COL4A3: variants seen among roughly 807,000 people sequenced by gnomAD.
COL4A3 encodes the protein collagen type IV alpha 3 chain.
A neutral mutation model predicts 217.4 loss-of-function variants in COL4A3; 135 were observed. That is an observed-to-expected ratio of 0.62 (90% CI 0.54 to 0.72). The LOEUF (loss-of-function observed/expected upper bound fraction) is 0.72. Among genes scored for constraint, COL4A3 ranks in the 30% least tolerant of loss-of-function variants. COL4A3 has a pLI of 0.00. For missense variants in COL4A3, 1,868 were observed against 2,119.9 expected (o/e 0.88, Z 2.33); for synonymous variants, 690 against 736.3 (o/e 0.94, Z 1.02).
Position 227,254,124 on chromosome 2 carries a change from G to T in COL4A3, c.778G>T (p.Glu260Ter), listed in dbSNP as rs2125934541. ...GPDNRTDLKG[E>*]KGDKGAMGEP... is the part of the protein sequence containing the mutation. ...GTTTCTTTGGCAGGACCTCAAGGGG[G>T]AAAAGGGAGACAAGGGAGCAATGGG... Residue 260 changes from glutamate to a stop codon, truncating the protein, a stop_gained, in exon 14 of 52, where the codon GAA becomes TAA. Transcript: ENST00000396578. LOFTEE classifies it high-confidence loss of function. 3.7e-6 allele frequency: 6 copies of T among 1,613,900 alleles called. No homozygotes were observed. The highest frequency in any genetic ancestry group is 2.2e-5 in the East Asian group (1 of 44,858).
At chr2:227,308,825 A>G in intron 48 of COL4A3, 74 bp from the exon 49 acceptor site, 1 of 1,459,426 alleles carries the variant, frequency 6.9e-7, no homozygotes, top group South Asian at 1.1e-5. Flanking sequence ...CATTTAAATT[A>G]GCTTCTCTCT....
chr2:227,254,311 A>G (rs997138507), intron 14 of COL4A3, 137 bp downstream of exon 14: 1 of 761,974 alleles, frequency 1.3e-6, no homozygotes, highest in African/African-American at 1.8e-5. Context: ...CTCCACAGGC[A>G]GAGCAGCTAT....
intron 1 of COL4A3, among the ~76,000 whole-genome samples, chr2:227,205,531 A>C (rs1277819137): frequency 6.6e-6 from 1 of 152,110 alleles, no homozygotes; most frequent in African/African-American, 2.4e-5. Context: ...TTATAATTGT[A>C]CATGATCCCA....
intron 29 of COL4A3, among the ~76,000 whole-genome samples, 174 bp from the exon 30 acceptor site, chr2:227,280,266 T>C (rs1426512770): frequency 6.6e-6 from 1 of 152,228 alleles, no homozygotes. Context: ...CTACATATCC[T>C]GAAGTATTAT....
intron 1 of COL4A3, among the ~76,000 whole-genome samples, chr2:227,214,376 C>T (rs1424148407): frequency 6.6e-6 from 1 of 152,124 alleles, no homozygotes. Context: ...ATTAATTTTT[C>T]CTGTGTTATA....
chr2:227,172,446 G>A (rs960736530), intron 1 of COL4A3, among the ~76,000 whole-genome samples: 4 of 152,064 alleles, frequency 2.6e-5, no homozygotes, highest in Non-Finnish European at 4.4e-5. Flanking sequence ...GTAGTTCGGC[G>A]GGGGTGGTTG....
chr2:227,262,053 T>C (rs1410595373), intron 20 of COL4A3, among the ~76,000 whole-genome samples: 1 of 152,350 alleles, frequency 6.6e-6, no homozygotes, highest in East Asian at 1.9e-4. Flanking sequence ...TTGTATATTA[T>C]ACTACTTCAT....
intron 9 of COL4A3, among the ~76,000 whole-genome samples, chr2:227,249,220 A>ATTTTTT (rs1559864975): frequency 4.0e-5 from 1 of 24,802 alleles, no homozygotes; most frequent in Non-Finnish European, 9.5e-5. Flanking sequence ...TAGTATATAT[A>ATTTTTT]TATATATATA....
At chr2:227,267,942 T>TC (rs536024370) in intron 23 of COL4A3, among the ~76,000 whole-genome samples, 70 of 152,264 alleles carry the variant, frequency 4.6e-4, no homozygotes, top group African/African-American at 1.6e-3. Flanking sequence ...GCTTTCGACC[T>TC]CCCCGTCTTC....
In COL4A3 at chr2:227,279,883, G is replaced by A. The variant is rs2106147774; in HGVS notation, c.2216G>A (p.Gly739Glu). 6.2e-7 allele frequency: 1 copy of A among 1,603,732 alleles called. No homozygotes were observed. Among genetic ancestry groups the A allele is most frequent in the Non-Finnish European group, 8.5e-7 (1 of 1,174,716 alleles). ...TTACCTGGAAAGCCAGGCCTCCCAG[G>A]AGCCAAGGTATGCAAAAATTCAAGC... Reference protein sequence around the residue: ...PGLPGKPGLPGAKGEPAVAMP... With the variant: ...PGLPGKPGLPEAKGEPAVAMP... Residue 739 changes from glycine (G) to glutamate (E), a missense_variant, in exon 29 of 52, where the codon GGA becomes GAA. By Grantham distance (98) the Gly-to-Glu change is moderately conservative (BLOSUM62 -2). Transcript: ENST00000396578.
In COL4A3 at chr2:227,240,169, C is replaced by A; in HGVS notation, c.171C>A (p.Pro57=). Residue 57 remains proline (P), a synonymous_variant, in exon 3 of 52, where the codon CCC becomes CCA. Coordinates refer to ENST00000396578, the MANE Select transcript of COL4A3 (RefSeq NM_000091.5). ...EKGEKGFPGP[P]GSPGQKGFTG... is the part of the protein sequence containing the mutation. The stretch of plus-strand genomic sequence containing the variant: ...GGGAGAAGGGCTTTCCTGGACCCCC[C>A]GGTTCTCCTGGCCAGAAAGGATTCA... 1 of 1,610,960 alleles carries A rather than the reference C, an allele frequency of 6.2e-7. No homozygotes were observed. Among genetic ancestry groups the A allele is most frequent in the South Asian group, 1.1e-5 (1 of 90,070 alleles).
intron 26 of COL4A3, among the ~76,000 whole-genome samples, chr2:227,275,227 C>G (rs1017348783): frequency 1.2e-4 from 19 of 152,260 alleles, no homozygotes; most frequent in African/African-American, 4.3e-4. Flanking sequence ...GCCACCCAGG[C>G]TGCAGTGCAG....
Position 227,270,896 on chromosome 2 carries a change from G to C in COL4A3, c.1702G>C (p.Asp568His). The change falls in exon 25 of 52, where the codon GAT becomes CAT. Residue 568 changes from aspartate to histidine, a missense_variant. This residue lies in a region of COL4A3 where 1,503 missense variants were observed against 1,786.1 expected (regional missense o/e 0.84). Coordinates refer to ENST00000396578, the MANE Select transcript of COL4A3 (RefSeq NM_000091.5). ...LRGQPGRKGL[D>H]GIPGTPGVKG... ...AGGCCAACCTGGGAGAAAGGGCTTGGATGGAATTCCTGGAACTCCGGGAGT... is the reference window on the plus strand; with the variant it reads ...AGGCCAACCTGGGAGAAAGGGCTTGCATGGAATTCCTGGAACTCCGGGAGT... 1 of 1,614,178 alleles carries C rather than the reference G, an allele frequency of 6.2e-7. No individual in the cohort carries two copies. The highest frequency in any genetic ancestry group is 2.2e-5 in the East Asian group (1 of 44,888).
At position 227,254,666 on chromosome 2, in the gene COL4A3, G is replaced by A. The variant is rs551480904; in HGVS notation, c.839G>A (p.Gly280Glu). 1 of 1,612,774 alleles carries A rather than the reference G, an allele frequency of 6.2e-7. No homozygotes were observed. The highest frequency in any genetic ancestry group is 1.1e-5 in the South Asian group (1 of 91,054). ...PGPPGPSGLPGESYGSEKGAP... is the reference protein window; with the variant it reads ...PGPPGPSGLPEESYGSEKGAP... Reference sequence around the variant, plus strand: ...CTCTAATTAATACAGGGACTGCCTGGAGAATCATATGGATCTGAAAAGGGT... The same window carrying A: ...CTCTAATTAATACAGGGACTGCCTGAAGAATCATATGGATCTGAAAAGGGT... The change falls in exon 15 of 52, where the codon GGA becomes GAA. Residue 280 changes from glycine (G) to glutamate (E), a missense_variant. Transcript: ENST00000396578.
intron 1 of COL4A3, among the ~76,000 whole-genome samples, chr2:227,184,387 T>C (rs938688127): frequency 2.6e-5 from 4 of 152,218 alleles, no homozygotes; most frequent in African/African-American, 9.7e-5. Context: ...AAAATTAAGA[T>C]TGACTCAATC....
At chr2:227,280,742 TTAA>T (rs1338265514) in intron 30 of COL4A3, 148 bp from the exon 31 acceptor site, 3 of 1,100,276 alleles carry the variant, frequency 2.7e-6, no homozygotes, top group Non-Finnish European at 4.1e-6. Context: ...TCCTTCTTTT[TTAA>T]TGAGTGCCCT....
chr2:227,244,751 T>A, intron 4 of COL4A3, 200 bp from the exon 5 acceptor site: 2 of 749,856 alleles, frequency 2.7e-6, no homozygotes, highest in Non-Finnish European at 2.4e-6. Context: ...CTTAATGATA[T>A]CTTTTTAAGA....
At chr2:227,196,994 CTCATGG>C (rs1474537658) in intron 1 of COL4A3, among the ~76,000 whole-genome samples, 1 of 152,074 alleles carries the variant, frequency 6.6e-6, no homozygotes, top group Non-Finnish European at 1.5e-5. Flanking sequence ...TCATGGTGTT[CTCATGG>C]TAGTGAGTGA....
At chr2:227,180,857 G>A (rs2065847336) in intron 1 of COL4A3, among the ~76,000 whole-genome samples, 1 of 152,090 alleles carries the variant, frequency 6.6e-6, no homozygotes, top group African/African-American at 2.4e-5. Flanking sequence ...CTTTTATTTC[G>A]TGACCTAGTA....
Sources: allele counts gnomAD v4.1 joint callset (sites outside exome capture counted in the v4.1 genomes callset), GRCh38; gene constraint gnomAD v4.1.1; regional missense constraint gnomAD v4.1.1; transcripts MANE v1.5; gene names NCBI Gene and HGNC (gene_info 2026-07-23, HGNC 2026-07-21).